Variants in MYT1L observed in about 807,000 individuals in gnomAD.
MYT1L encodes myelin transcription factor 1 like, also known as myelin transcription factor 1-like protein.
Under a neutral mutation model 126.7 loss-of-function variants are expected in MYT1L, and 12 were observed. That is an observed-to-expected ratio of 0.09 (90% CI 0.06 to 0.15). The LOEUF (loss-of-function observed/expected upper bound fraction) is 0.15. MYT1L is among the 10% of genes least tolerant of loss of function. The probability of loss-of-function intolerance (pLI) is 1.00; values close to 1 mark genes in which losing one functional copy is unlikely to be tolerated. For missense variants in MYT1L, 979 were observed against 1,585.2 expected (o/e 0.62, Z 6.49); for synonymous variants, 541 against 604.2 (o/e 0.90, Z 1.53).
intron 5 of MYT1L, among the ~76,000 whole-genome samples, chr2:1,992,154 C>T (rs1348440860): frequency 2.6e-5 from 4 of 152,178 alleles, no homozygotes; most frequent in Non-Finnish European, 2.9e-5. Context: ...ATCGGTTTTT[C>T]TGCACAGTTC....
chr2:2,260,695 T>G (rs1041886578), intron 2 of MYT1L, among the ~76,000 whole-genome samples: 1 of 152,202 alleles, frequency 6.6e-6, no homozygotes, highest in Admixed American at 6.5e-5. Context: ...CTCTGCTTTA[T>G]TAAAATTTCC....
At chr2:2,317,253 G>A (rs1217821494) in intron 1 of MYT1L, among the ~76,000 whole-genome samples, 1 of 152,142 alleles carries the variant, frequency 6.6e-6, no homozygotes, top group African/African-American at 2.4e-5. Flanking sequence ...GGTTCCTGGT[G>A]TTGGGTTTGC....
intron 23 of MYT1L, among the ~76,000 whole-genome samples, chr2:1,800,848 TC>T (rs975305199): frequency 6.6e-6 from 1 of 151,350 alleles, no homozygotes; most frequent in African/African-American, 2.4e-5. Flanking sequence ...CTGGTCAGCA[TC>T]CCCCGAGAAC....
At chr2:1,796,373 G>T (rs1396394122) in intron 23 of MYT1L, among the ~76,000 whole-genome samples, 1 of 152,212 alleles carries the variant, frequency 6.6e-6, no homozygotes, top group Non-Finnish European at 1.5e-5. Flanking sequence ...GTGTCCTCGT[G>T]CAGGGAGGAC....
intron 21 of MYT1L, among the ~76,000 whole-genome samples, chr2:1,830,935 G>C (rs189386581): frequency 6.6e-6 from 1 of 152,302 alleles, no homozygotes; most frequent in Admixed American, 6.5e-5. Flanking sequence ...ATGTCAATGG[G>C]GCTGGAGTAA....
chr2:2,178,074 A>G (rs2091024041), intron 2 of MYT1L, among the ~76,000 whole-genome samples: 1 of 152,140 alleles, frequency 6.6e-6, no homozygotes, highest in African/African-American at 2.4e-5. Context: ...AATAGATAAA[A>G]TATTTATTTT....
chr2:2,210,304 C>T (rs1291468683), intron 2 of MYT1L, among the ~76,000 whole-genome samples: 1 of 152,166 alleles, frequency 6.6e-6, no homozygotes, highest in Non-Finnish European at 1.5e-5. Flanking sequence ...TGGGGTATTA[C>T]TCAAGAAACT....
intron 2 of MYT1L, among the ~76,000 whole-genome samples, chr2:2,193,249 A>AT (rs1318741113): frequency 6.6e-6 from 1 of 152,180 alleles, no homozygotes; most frequent in Non-Finnish European, 1.5e-5. Context: ...AAGTGCCAGG[A>AT]TTACAGGCAT....
chr2:2,172,483 C>T (rs1333016741), intron 3 of MYT1L, among the ~76,000 whole-genome samples: 2 of 152,204 alleles, frequency 1.3e-5, no homozygotes, highest in Non-Finnish European at 1.5e-5. Flanking sequence ...GGAGAGGATG[C>T]GCAATGCAAC....
At chr2:2,029,942 T>A (rs536047424) in intron 4 of MYT1L, among the ~76,000 whole-genome samples, 1 of 152,232 alleles carries the variant, frequency 6.6e-6, no homozygotes, top group Admixed American at 6.5e-5. Context: ...TAAGGGCTCC[T>A]GAGAATAATT....
chr2:2,309,313 GTATACTCTATC>G (rs1559629551), intron 1 of MYT1L, among the ~76,000 whole-genome samples: 2 of 150,728 alleles, frequency 1.3e-5, no homozygotes, highest in East Asian at 4.0e-4. Context: ...CTACACTTCA[GTATACTCTATC>G]TATACTCTAT....
chr2:1,872,407 A>G (rs566774444), intron 18 of MYT1L, among the ~76,000 whole-genome samples: 1 of 152,330 alleles, frequency 6.6e-6, no homozygotes, highest in African/African-American at 2.4e-5. Flanking sequence ...TAGAATTTGG[A>G]AAGTGGTGAG....
chr2:2,317,886 A>G (rs982959526), intron 1 of MYT1L, among the ~76,000 whole-genome samples: 1 of 152,182 alleles, frequency 6.6e-6, no homozygotes, highest in Non-Finnish European at 1.5e-5. Context: ...AGGTGCCAAG[A>G]GGGACTCTAA....
chr2:2,005,400 C>T (rs114395850), intron 4 of MYT1L, among the ~76,000 whole-genome samples: 5,620 of 145,174 alleles, frequency 0.039, 148 homozygotes, highest in Non-Finnish European at 0.053. Context: ...TTCTTTCCTG[C>T]GTGCGTTCTT....
intron 4 of MYT1L, among the ~76,000 whole-genome samples, chr2:2,021,167 A>C (rs1034812615): frequency 6.6e-6 from 1 of 152,174 alleles, no homozygotes; most frequent in Non-Finnish European, 1.5e-5. Context: ...TTGGGTTCCT[A>C]CTGCCTGAGA....
At chr2:2,139,633 C>T (rs1018118463) in intron 3 of MYT1L, among the ~76,000 whole-genome samples, 13 of 151,186 alleles carry the variant, frequency 8.6e-5, no homozygotes, top group African/African-American at 2.7e-4. Context: ...AGCGACACTC[C>T]ATCTCAAAAA....
At chr2:1,892,002 C>A in intron 15 of MYT1L, 35 bp downstream of exon 15, 1 of 1,474,178 alleles carries the variant, frequency 6.8e-7, no homozygotes, top group Non-Finnish European at 9.0e-7. Context: ...CCTCCCCCAC[C>A]CGCCAGGTGG....
At position 1,979,313 on chromosome 2, in the gene MYT1L, G is replaced by A. The variant is rs1191865181; in HGVS notation, c.90-86C>T. ...CCGTGGCAGCAGAGAGAAGGAGGGCGGCTCAGACAGAGGAGAGAAATCACA... is the reference window on the plus strand; with the variant it reads ...CCGTGGCAGCAGAGAGAAGGAGGGCAGCTCAGACAGAGGAGAGAAATCACA... On this transcript the variant is annotated intron_variant, in intron 7 of 24. Coordinates refer to ENST00000647738, the MANE Select transcript of MYT1L (RefSeq NM_001303052.2). This position sits in a 1 kb window ranked among gnomAD's most constrained non-coding sequence, Gnocchi z 4.0. 1.1e-5 allele frequency: 14 copies of A among 1,279,256 alleles called. No homozygotes were observed. The highest frequency in any genetic ancestry group is 2.4e-5 in the East Asian group (1 of 41,938). 79.2% of individuals were successfully genotyped at this position (1,279,256 alleles called of 1,614,324 possible). A position where few individuals can be genotyped will look rare whatever the true frequency, so the allele number is the denominator to read the frequency against.
intron 8 of MYT1L, among the ~76,000 whole-genome samples, chr2:1,960,202 A>G (rs1574005622): frequency 1.3e-5 from 2 of 152,206 alleles, no homozygotes; most frequent in Admixed American, 1.3e-4. Flanking sequence ...TACATGCAGA[A>G]AAAGGATATG....
Sources: gnomAD v4.1 joint callset for allele counts (sites outside exome capture counted in the v4.1 genomes callset) on GRCh38, gnomAD v4.1.1 for gene constraint, Gnocchi (gnomAD v3.1) non-coding constraint, MANE v1.5 for transcripts, NCBI Gene and HGNC (gene_info 2026-07-23, HGNC 2026-07-21) for gene names.